NEDD4L: variants seen among roughly 807,000 people sequenced by gnomAD.
NEDD4L encodes E3 ubiquitin-protein ligase NEDD4-like.
In NEDD4L, 54 loss-of-function variants were observed where a neutral mutation model predicts 148.9. The ratio of observed to expected loss-of-function variants is 0.36; its 90% CI spans 0.29 to 0.45. NEDD4L has a LOEUF of 0.45. NEDD4L is among the 20% of genes least tolerant of loss of function. NEDD4L has a pLI of 1.00. For missense variants in NEDD4L, 856 were observed against 1,233.8 expected, an observed-to-expected ratio of 0.69 and a Z score of 4.59; for synonymous variants, 433 against 440.7, an observed-to-expected ratio of 0.98 and a Z score of 0.22.
intron 1 of NEDD4L, among the ~76,000 whole-genome samples, chr18:58,114,304 A>G (rs192321823): frequency 6.6e-4 from 101 of 152,208 alleles, no homozygotes; most frequent in Non-Finnish European, 1.8e-4. Flanking sequence ...TTTGTAGGGT[A>G]AAGGTGTTTT....
intron 1 of NEDD4L, among the ~76,000 whole-genome samples, chr18:58,095,166 G>A (rs527938639): frequency 5.8e-4 from 89 of 152,286 alleles, no homozygotes; most frequent in African/African-American, 2.0e-3. Context: ...AACTCACTCC[G>A]ATGTCACTCA....
intron 2 of NEDD4L, among the ~76,000 whole-genome samples, chr18:58,223,645 G>A (rs558539041): frequency 2.0e-5 from 3 of 152,268 alleles, no homozygotes; most frequent in South Asian, 4.1e-4. Context: ...TCACCTTGAT[G>A]GAAATCTTTT....
intron 2 of NEDD4L, among the ~76,000 whole-genome samples, chr18:58,173,410 C>T (rs1371463769): frequency 2.0e-5 from 3 of 152,228 alleles, no homozygotes; most frequent in Non-Finnish European, 1.5e-5. Flanking sequence ...CCATTGGCAT[C>T]AAACCTGCTT....
chr18:58,255,239 G>A (rs2048366891), intron 5 of NEDD4L, among the ~76,000 whole-genome samples: 1 of 151,866 alleles, frequency 6.6e-6, no homozygotes, highest in Non-Finnish European at 1.5e-5. Flanking sequence ...TCAGCTGTGA[G>A]AGCGCCCTGC....
rs113129841 is a variant in NEDD4L at position 58,277,896 on chromosome 18, A to G, written c.297+25842A>G. Among the ~76,000 whole-genome samples, 1,429 of 152,240 alleles carry G rather than the reference A, an allele frequency of 9.4e-3. 23 individuals are homozygous for G. The highest frequency in any genetic ancestry group is 0.033 in the African/African-American group (1,364 of 41,528). Reference sequence around the variant, plus strand: ...CATAACAGGTTGGACTGGCTAGGCTATGGTCAGAAATTGCTTATCAGTGTT... The same window carrying G: ...CATAACAGGTTGGACTGGCTAGGCTGTGGTCAGAAATTGCTTATCAGTGTT... On this transcript the variant is annotated intron_variant, in intron 5 of 30. Coordinates refer to ENST00000400345, the MANE Select transcript of NEDD4L (RefSeq NM_001144967.3).
At chr18:58,316,398 C>T (rs1428995224) in intron 6 of NEDD4L, among the ~76,000 whole-genome samples, 1 of 152,230 alleles carries the variant, frequency 6.6e-6, no homozygotes, top group Non-Finnish European at 1.5e-5. Flanking sequence ...TCCTCCGGGT[C>T]CCATCAGATG....
intron 1 of NEDD4L, among the ~76,000 whole-genome samples, chr18:58,154,612 C>A (rs1476912748): frequency 2.0e-5 from 3 of 152,090 alleles, no homozygotes; most frequent in Non-Finnish European, 2.9e-5. Flanking sequence ...ATGGCAAAAC[C>A]CCATCTCTAC....
At chr18:58,387,566 A>C in intron 27 of NEDD4L, 68 bp downstream of exon 27, 1 of 1,381,682 alleles carries the variant, frequency 7.2e-7, no homozygotes. Context: ...CTTTACAAGT[A>C]ATATTTTAAT....
intron 1 of NEDD4L, among the ~76,000 whole-genome samples, chr18:58,144,236 G>C (rs891516894): frequency 3.9e-5 from 6 of 152,090 alleles, no homozygotes; most frequent in African/African-American, 1.4e-4. Context: ...TCTGCACGCT[G>C]TACTGGATGA....
intron 19 of NEDD4L, among the ~76,000 whole-genome samples, chr18:58,360,367 T>C (rs1256688527): frequency 3.9e-5 from 6 of 152,228 alleles, no homozygotes; most frequent in Admixed American, 3.9e-4. Context: ...CTGCTTTATC[T>C]CTTAACTTTT....
intron 1 of NEDD4L, among the ~76,000 whole-genome samples, chr18:58,094,916 AAAG>A (rs1214353375): frequency 6.6e-6 from 1 of 152,058 alleles, no homozygotes; most frequent in Non-Finnish European, 1.5e-5. Context: ...AAAAAAAAAA[AAAG>A]AAGGGATTTC....
chr18:58,317,469 G>C (rs2058395413), intron 6 of NEDD4L, among the ~76,000 whole-genome samples: 1 of 152,154 alleles, frequency 6.6e-6, no homozygotes, highest in South Asian at 2.1e-4. Flanking sequence ...TTTCCCTAAT[G>C]TAAAAACCAC....
intron 15 of NEDD4L, among the ~76,000 whole-genome samples, chr18:58,342,208 G>A (rs554368941): frequency 6.6e-6 from 1 of 152,234 alleles, no homozygotes; most frequent in Non-Finnish European, 1.5e-5. Context: ...TCGACTGTAG[G>A]GTCTTTCATT....
Position 58,346,527 on chromosome 18 carries a change from G to A in NEDD4L, c.1576-3010G>A, listed in dbSNP as rs117211991. Among the ~76,000 whole-genome samples, 652 of 152,266 alleles carry A rather than the reference G, an allele frequency of 4.3e-3. 1 individual carries two copies. Among genetic ancestry groups the A allele is most frequent in the Middle Eastern group, 0.017 (5 of 294 alleles). ...AGTTGCAGGTTTGTTTTCCATCCAAGTTCAAACTAATGAAACTTATTACTC... is the reference window on the plus strand; with the variant it reads ...AGTTGCAGGTTTGTTTTCCATCCAAATTCAAACTAATGAAACTTATTACTC... On this transcript the variant is annotated intron_variant, in intron 16 of 30. Transcript: ENST00000400345.
intron 2 of NEDD4L, among the ~76,000 whole-genome samples, chr18:58,232,446 C>T (rs1209107613): frequency 3.3e-5 from 5 of 152,306 alleles, no homozygotes; most frequent in Admixed American, 6.5e-5. Flanking sequence ...CCACAGTTCA[C>T]GCTGGTGGGC....
chr18:58,102,452 A>C (rs1218720603), intron 1 of NEDD4L, among the ~76,000 whole-genome samples: 1 of 152,210 alleles, frequency 6.6e-6, no homozygotes, highest in African/African-American at 2.4e-5. Flanking sequence ...TGCAATAAGT[A>C]TGATAACACT....
intron 1 of NEDD4L, among the ~76,000 whole-genome samples, chr18:58,155,406 A>G (rs1196979794): frequency 6.6e-6 from 1 of 152,164 alleles, no homozygotes; most frequent in Admixed American, 6.5e-5. Context: ...AATTTCACAA[A>G]TTTCTATTTT....
intron 2 of NEDD4L, chr18:58,195,386 A>G: frequency 8.1e-7 from 1 of 1,235,340 alleles, no homozygotes; most frequent in Non-Finnish European, 1.0e-6. Context: ...GCCTCTGATG[A>G]GGCACTTCCG....
intron 1 of NEDD4L, among the ~76,000 whole-genome samples, chr18:58,120,586 T>C (rs1380466177): frequency 6.6e-6 from 1 of 152,092 alleles, no homozygotes; most frequent in Non-Finnish European, 1.5e-5. Flanking sequence ...GAGACCATCC[T>C]GGCTAACACA....
Sources: allele counts gnomAD v4.1 joint callset (sites outside exome capture counted in the v4.1 genomes callset), GRCh38; gene constraint gnomAD v4.1.1; transcripts MANE v1.5; gene names NCBI Gene and HGNC (gene_info 2026-07-23, HGNC 2026-07-21).